PCDHGB1: variants seen among roughly 807,000 people sequenced by gnomAD.
PCDHGB1 encodes protocadherin gamma subfamily B, 1.
Under a neutral mutation model 56.6 loss-of-function variants are expected in PCDHGB1, and 34 were observed. That is an observed-to-expected ratio of 0.60 (90% confidence interval 0.46 to 0.80). The LOEUF is 0.80. PCDHGB1 is among the 30% of genes least tolerant of loss of function. The pLI is 0.00. For missense variants in PCDHGB1, 1,278 were observed against 1,204.6 expected (o/e 1.06, Z -0.90); for synonymous variants, 561 against 505.9 (o/e 1.11, Z -1.46).
chr5:141,475,935 C>CCCGT, intron 1 of PCDHGB1: 1 of 669,050 alleles, frequency 1.5e-6, no homozygotes, highest in Middle Eastern at 4.2e-4. Flanking sequence ...CGGGCCCCTG[C>CCCGT]CCGTCCCCTT....
intron 1 of PCDHGB1, chr5:141,398,172 A>G (rs1386610242): frequency 6.1e-6 from 9 of 1,476,892 alleles, no homozygotes; most frequent in Non-Finnish European, 7.2e-6. Context: ...AGAGGCTGCC[A>G]GTGCTCTTTC....
intron 1 of PCDHGB1, among the ~76,000 whole-genome samples, chr5:141,457,628 C>T (rs1210673176): frequency 6.6e-6 from 1 of 152,244 alleles, no homozygotes; most frequent in Non-Finnish European, 1.5e-5. Context: ...TAATCTTATA[C>T]TTGGCCTGAT....
chr5:141,478,870 GT>G, intron 1 of PCDHGB1: 1 of 1,273,360 alleles, frequency 7.9e-7, no homozygotes, highest in Non-Finnish European at 1.0e-6. Context: ...AGCGATCAGA[GT>G]TTAGCTTGGT....
At chr5:141,413,389 T>G in intron 1 of PCDHGB1, 1 of 1,613,986 alleles carries the variant, frequency 6.2e-7, no homozygotes, top group Non-Finnish European at 8.5e-7. Flanking sequence ...CCGCATAGTC[T>G]CCAGAGGTAG....
rs1225025591 is a variant in PCDHGB1 at position 141,493,316 on chromosome 5, T to G, written c.2410-1491T>G. Among the ~76,000 whole-genome samples, 2 of 152,198 alleles carry G rather than the reference T, an allele frequency of 1.3e-5. No homozygotes were observed. The highest frequency in any genetic ancestry group is 2.1e-4 in the South Asian group (1 of 4,826). Reference sequence around the variant, plus strand: ...AGTTCACAGAGCAAGTAAGAGAGATTCTAACCCCTGTCTAACTCCAGAATG... The same window carrying G: ...AGTTCACAGAGCAAGTAAGAGAGATGCTAACCCCTGTCTAACTCCAGAATG... On this transcript the variant is annotated intron_variant, in intron 1 of 3. Coordinates refer to ENST00000523390, the MANE Select transcript of PCDHGB1 (RefSeq NM_018922.3). This position sits in a 1 kb window ranked among gnomAD's most constrained non-coding sequence, Gnocchi z 4.3.
chr5:141,473,892 G>C (rs1247711441), intron 1 of PCDHGB1, among the ~76,000 whole-genome samples: 1 of 152,138 alleles, frequency 6.6e-6, no homozygotes, highest in African/African-American at 2.4e-5. Context: ...GGGTTCTGTT[G>C]GTTCATGAAG....
rs549647263 is a variant in PCDHGB1 at position 141,364,755 on chromosome 5, T to C, written c.2409+12086T>C. Reference sequence around the variant, plus strand: ...CGGGATGAAGAGTTAAAAGTAAAAGTTAATGAAAATGCGGCTGCAGGGACA... The same window carrying C: ...CGGGATGAAGAGTTAAAAGTAAAAGCTAATGAAAATGCGGCTGCAGGGACA... On this transcript the variant is annotated intron_variant, in intron 1 of 3. Coordinates refer to ENST00000523390, the MANE Select transcript of PCDHGB1 (RefSeq NM_018922.3). The C allele has an allele frequency of 1.7e-5, 27 of 1,613,958 alleles. No homozygotes were observed. The East Asian group carries it at 6.0e-4, about 36-fold the overall frequency.
chr5:141,481,207 C>T (rs1287298617), intron 1 of PCDHGB1, among the ~76,000 whole-genome samples: 3 of 152,154 alleles, frequency 2.0e-5, no homozygotes, highest in Non-Finnish European at 1.5e-5. Flanking sequence ...TTTTAAAAAA[C>T]ATGGTAAGGT....
Position 141,476,659 on chromosome 5 carries a change from G to C in PCDHGB1, c.2410-18148G>C. On this transcript the variant is annotated intron_variant, in intron 1 of 3. Transcript: ENST00000523390. This position sits in a 1 kb window ranked among gnomAD's most constrained non-coding sequence, Gnocchi z 7.6. ...AGCTGAGCCGAAATGAATACTTTGCGCTTCGCGTGCAGACGCGGGAGGACA... is the reference window on the plus strand; with the variant it reads ...AGCTGAGCCGAAATGAATACTTTGCCCTTCGCGTGCAGACGCGGGAGGACA... 1 of 1,614,252 alleles carries C rather than the reference G, an allele frequency of 6.2e-7. No individual in the cohort carries two copies. The highest frequency in any genetic ancestry group is 8.5e-7 in the Non-Finnish European group (1 of 1,180,048).
intron 1 of PCDHGB1, chr5:141,421,951 A>G: frequency 6.2e-7 from 1 of 1,612,854 alleles, no homozygotes; most frequent in Non-Finnish European, 8.5e-7. Flanking sequence ...TCACATCCCA[A>G]TGTTTACACA....
intron 1 of PCDHGB1, among the ~76,000 whole-genome samples, chr5:141,435,561 T>A (rs2154556722): frequency 6.6e-6 from 1 of 152,294 alleles, no homozygotes; most frequent in South Asian, 2.1e-4. Flanking sequence ...TGAGTGCTTT[T>A]TTTAGTACTG....
At position 141,360,454 on chromosome 5, in the gene PCDHGB1, G is replaced by A. The variant is rs150944400; in HGVS notation, c.2409+7785G>A. On this transcript the variant is annotated intron_variant, in intron 1 of 3. Coordinates refer to ENST00000523390, the MANE Select transcript of PCDHGB1 (RefSeq NM_018922.3). ...GCAGCCTCTGTGTGTTCTGGATTTCGATACTGTCGCTGAAAATCCACTAAA... is the reference window on the plus strand; with the variant it reads ...GCAGCCTCTGTGTGTTCTGGATTTCAATACTGTCGCTGAAAATCCACTAAA... The A allele has an allele frequency of 5.0e-4, 804 of 1,613,904 alleles. 3 individuals carry two copies. The African/African-American group carries it at 8.7e-3, about 18-fold the overall frequency.
chr5:141,374,339 A>C, intron 1 of PCDHGB1: 1 of 1,614,006 alleles, frequency 6.2e-7, no homozygotes, highest in Non-Finnish European at 8.5e-7. Context: ...CAGCTTGGTC[A>C]CCGCGGGTAG....
chr5:141,409,906 T>G (rs779572711), intron 1 of PCDHGB1: 2 of 1,613,096 alleles, frequency 1.2e-6, no homozygotes, highest in African/African-American at 2.7e-5. Flanking sequence ...CAGCTCTGGG[T>G]CCTGACGGCT....
At chr5:141,394,777 C>T (rs2093090848) in intron 1 of PCDHGB1, 5 of 1,613,516 alleles carry the variant, frequency 3.1e-6, no homozygotes, top group African/African-American at 2.7e-5. Flanking sequence ...CCCCCTCTCT[C>T]CGCCACTGTC....
Position 141,375,778 on chromosome 5 carries a change from C to G in PCDHGB1, c.2409+23109C>G. Reference sequence around the variant, plus strand: ...ACAATGCGCCCGAGATCCTGTACCCCGCCCTCCCCACAGACGGTTCCACTG... The same window carrying G: ...ACAATGCGCCCGAGATCCTGTACCCGGCCCTCCCCACAGACGGTTCCACTG... On this transcript the variant is annotated intron_variant, in intron 1 of 3. Coordinates refer to ENST00000523390, the MANE Select transcript of PCDHGB1 (RefSeq NM_018922.3). The G allele has an allele frequency of 1.9e-6, 3 of 1,614,242 alleles. No homozygotes were observed. The African/African-American group carries it at 4.0e-5, about 22-fold the overall frequency.
intron 1 of PCDHGB1, chr5:141,411,444 T>C (rs1589800236): frequency 6.8e-6 from 1 of 147,662 alleles, no homozygotes; most frequent in African/African-American, 2.5e-5. Context: ...ATTAGCAGAG[T>C]GTGGTAGCAT....
chr5:141,471,017 A>G (rs989277146), intron 1 of PCDHGB1, among the ~76,000 whole-genome samples: 3 of 143,850 alleles, frequency 2.1e-5, no homozygotes, highest in African/African-American at 7.8e-5. Context: ...GTGCCTGGTC[A>G]ATCATTTTTA....
intron 1 of PCDHGB1, chr5:141,419,888 G>A: frequency 6.2e-7 from 1 of 1,614,056 alleles, no homozygotes; most frequent in Non-Finnish European, 8.5e-7. Context: ...GGATTTCAGC[G>A]ACCATCCCAC....
Sources: gnomAD v4.1 joint callset for allele counts (sites outside exome capture counted in the v4.1 genomes callset) on GRCh38, gnomAD v4.1.1 for gene constraint, Gnocchi (gnomAD v3.1) non-coding constraint, MANE v1.5 for transcripts, NCBI Gene and HGNC (gene_info 2026-07-23, HGNC 2026-07-21) for gene names.